PRRT3: variants seen among roughly 807,000 people sequenced by gnomAD.
The protein encoded by PRRT3 is proline rich transmembrane protein 3.
A neutral mutation model predicts 56.6 loss-of-function variants in PRRT3; 48 were observed. The ratio of observed to expected loss-of-function variants is 0.85; its 90% CI spans 0.67 to 1.08. PRRT3 has a LOEUF of 1.08. PRRT3 is among the 50% of genes least tolerant of loss of function. The pLI is 0.00. For missense variants in PRRT3, 1,370 were observed against 1,353.1 expected, an observed-to-expected ratio of 1.01 and a Z score of -0.20; for synonymous variants, 641 against 619.1, an observed-to-expected ratio of 1.04 and a Z score of -0.52.
chr3:9,948,685 A>G, intron 3 of PRRT3, 73 bp downstream of exon 3: 3 of 1,564,418 alleles, frequency 1.9e-6, no homozygotes, highest in Admixed American at 1.7e-5. Flanking sequence ...CTCCGCCCCC[A>G]TACATCCCCA....
At chr3:9,951,272 G>A (rs557806920) in intron 1 of PRRT3, among the ~76,000 whole-genome samples, 2 of 152,302 alleles carry the variant, frequency 1.3e-5, no homozygotes, top group South Asian at 2.1e-4. Flanking sequence ...TTCATGGAGG[G>A]TGCGAGAGCT....
chr3:9,951,011 A>G (rs2085612797), intron 1 of PRRT3, among the ~76,000 whole-genome samples: 1 of 152,210 alleles, frequency 6.6e-6, no homozygotes, highest in Non-Finnish European at 1.5e-5. Flanking sequence ...CAAATAACCA[A>G]ACAGGTATGG....
chr3:9,950,176 A>C lies in PRRT3; in HGVS notation c.-57-4T>G. 7.8e-7 allele frequency: 1 copy of C among 1,283,734 alleles called. No homozygotes were observed. The highest frequency in any genetic ancestry group is 1.0e-6 in the Non-Finnish European group (1 of 1,001,904). 79.5% of individuals were successfully genotyped at this position (1,283,734 alleles called of 1,614,324 possible). A position where few individuals can be genotyped will look rare whatever the true frequency, so the allele number is the denominator to read the frequency against. Reference sequence around the variant, plus strand: ...TTCCAGTCCTCACTGGATGAGCCTAAAAAAAAAACAGGGCATGGAATGACA... The same window carrying C: ...TTCCAGTCCTCACTGGATGAGCCTACAAAAAAAACAGGGCATGGAATGACA... On this transcript the variant is annotated splice_polypyrimidine_tract_variant and splice_region_variant and intron_variant, in intron 1 of 3. Transcript: ENST00000412055.
Position 9,950,137 on chromosome 3 carries a change from C to G in PRRT3, c.-22G>C. The G allele has an allele frequency of 7.1e-7, 1 of 1,405,474 alleles. No individual in the cohort carries two copies. Among genetic ancestry groups the G allele is most frequent in the East Asian group, 2.5e-5 (1 of 40,158 alleles). The allele number at this position is 1,405,474 out of a possible 1,614,324, so 87.1% of individuals were successfully genotyped here. ...CCATGGTCTACTCCGATGCCTGGGCCTAAAGCCCCCACCTTCCAGTCCTCA... is the reference window on the plus strand; with the variant it reads ...CCATGGTCTACTCCGATGCCTGGGCGTAAAGCCCCCACCTTCCAGTCCTCA... On this transcript the variant is annotated 5_prime_UTR_variant, in exon 2 of 4. The change abolishes the stop of an existing upstream ORF in the 5' untranslated region. Transcript: ENST00000412055.
In PRRT3 at chr3:9,948,804, G is replaced by T. The variant is rs1160174749; in HGVS notation, c.1125C>A (p.Gly375=). ...KSLIPGPSDP[G]PAVNRTESPM... ...GGCTCTCTGTTCGGTTTACAGCTGG[G>T]CCAGGGTCTGAGGGACCAGGGATGA... The change falls in exon 3 of 4, where the codon GGC becomes GGA. Residue 375 remains glycine (G), a synonymous_variant. Coordinates refer to ENST00000412055, the MANE Select transcript of PRRT3 (RefSeq NM_207351.5). The T allele has an allele frequency of 1.2e-6, 2 of 1,613,976 alleles. No individual in the cohort carries two copies. The highest frequency in any genetic ancestry group is 4.5e-5 in the East Asian group (2 of 44,870).
At position 9,947,460 on chromosome 3, in the gene PRRT3, T is replaced by A; in HGVS notation, c.1713A>T (p.Pro571=). 1.2e-6 allele frequency: 2 copies of A among 1,611,504 alleles called. No individual in the cohort carries two copies. Among genetic ancestry groups the A allele is most frequent in the Non-Finnish European group, 1.7e-6 (2 of 1,179,346 alleles). Residue 571 remains proline, a synonymous_variant, in exon 4 of 4, where the codon CCA becomes CCT. Coordinates refer to ENST00000412055, the MANE Select transcript of PRRT3 (RefSeq NM_207351.5). This position sits in a 1 kb window ranked among gnomAD's most constrained non-coding sequence, Gnocchi z 9.2. ...GAGLPPPLQN[P]LLLGAVALVH... is the part of the protein sequence containing the mutation. ...CCAGCGCCACTGCTCCCAGCAGGAG[T>A]GGGTTTTGCAGCGGTGGCGGCAGCC... is the stretch of plus-strand genomic sequence containing the variant.
In PRRT3 at chr3:9,950,241, G is replaced by A. The variant is rs908513855; in HGVS notation, c.-57-69C>T. On this transcript the variant is annotated intron_variant, in intron 1 of 3. Transcript: ENST00000412055. ...GCCCCCATGCCTTCCTCAAGGGGCT[G>A]ACAGGAAAGAAAAGCAACGCAAGGC... 28 of 649,440 alleles carry A rather than the reference G, an allele frequency of 4.3e-5. No individual in the cohort carries two copies. The African/African-American group carries it at 4.7e-4, about 11-fold the overall frequency. 40.2% of individuals were successfully genotyped at this position (649,440 alleles called of 1,614,324 possible). A position where few individuals can be genotyped will look rare whatever the true frequency, so the allele number is the denominator to read the frequency against.
At chr3:9,948,677 C>T (rs1299029117) in intron 3 of PRRT3, 81 bp downstream of exon 3, 14 of 1,533,352 alleles carry the variant, frequency 9.1e-6, no homozygotes, top group Non-Finnish European at 1.3e-5. Flanking sequence ...TCCCCACCCT[C>T]CGCCCCCATA....
chr3:9,948,047 G>A (rs939633278), intron 3 of PRRT3, 46 bp from the exon 4 acceptor site: 10 of 1,291,550 alleles, frequency 7.7e-6, no homozygotes, highest in Non-Finnish European at 9.8e-6. Flanking sequence ...AAGTGCTTTT[G>A]ATTTTGTATC....
rs1011186804 is a variant in PRRT3, at chr3:9,946,256, T to G, written c.2917A>C (p.Ser973Arg). ...AGCTCGATGGTATCACTGGAGGCGCTGCGGGATTCCCCAGGCTTGCCGCGC... is the reference window on the plus strand; with the variant it reads ...AGCTCGATGGTATCACTGGAGGCGCGGCGGGATTCCCCAGGCTTGCCGCGC... ...QPRGKPGESR[S>R]ASSDTIEL is the part of the protein sequence containing the mutation. Residue 973 changes from serine (S) to arginine (R), a missense_variant, in exon 4 of 4, where the codon AGC (serine) becomes CGC (arginine). Transcript: ENST00000412055. The surrounding 1 kb of genome is among the most constrained non-coding windows in gnomAD (Gnocchi z 4.1). 1.2e-6 allele frequency: 2 copies of G among 1,612,654 alleles called. No individual in the cohort carries two copies. The highest frequency in any genetic ancestry group is 1.7e-6 in the Non-Finnish European group (2 of 1,179,846).
At chr3:9,950,340 T>G (rs2085604316) in intron 1 of PRRT3, among the ~76,000 whole-genome samples, 168 bp from the exon 2 acceptor site, 1 of 152,194 alleles carries the variant, frequency 6.6e-6, no homozygotes, top group Admixed American at 6.5e-5. Context: ...GCTCCCCATT[T>G]CCCTCAAGAA....
rs1213354649 is a variant in PRRT3, at chr3:9,946,099, G to A, written c.*128C>T. On this transcript the variant is annotated 3_prime_UTR_variant, in exon 4 of 4. Transcript: ENST00000412055. The surrounding 1 kb of genome is among the most constrained non-coding windows in gnomAD (Gnocchi z 4.1). ...GTTCCACCCACCTCGGCCTCCCAAA[G>A]TGCTGGGATTCCTGGCGTGAGCCAC... is the stretch of plus-strand genomic sequence containing the variant. The A allele has an allele frequency of 1.0e-5, 14 of 1,395,148 alleles. No homozygotes were observed. The highest frequency in any genetic ancestry group is 1.3e-5 in the Non-Finnish European group (14 of 1,057,888). The allele number at this position is 1,395,148 out of a possible 1,614,324, so 86.4% of individuals were successfully genotyped here.
chr3:9,949,172 G>C lies in PRRT3; in HGVS notation c.944C>G (p.Ala315Gly). Residue 315 changes from alanine (A) to glycine (G), a missense_variant, in exon 2 of 4, where the codon GCT (alanine) becomes GGT (glycine). Transcript: ENST00000412055. The surrounding 1 kb of genome is among the most constrained non-coding windows in gnomAD (Gnocchi z 4.5). ...GGGCTGGGGTCCTGGTGAATCCTTA[G>C]CGTCAGGAAGGTCAGCCTGCTTGGG... ...PPPKQADLPD[A>G]KDSPGPQPTD... The C allele has an allele frequency of 1.2e-6, 2 of 1,612,436 alleles. No homozygotes were observed. The highest frequency in any genetic ancestry group is 1.7e-6 in the Non-Finnish European group (2 of 1,179,496).
intron 3 of PRRT3, 31 bp downstream of exon 3, chr3:9,948,727 C>T: frequency 1.2e-6 from 2 of 1,613,494 alleles, no homozygotes; most frequent in Non-Finnish European, 1.7e-6. Context: ...ACAGAGCACT[C>T]CCTCTCCCCA....
chr3:9,948,294 A>G (rs578040131), intron 3 of PRRT3: 49 of 359,004 alleles, frequency 1.4e-4, no homozygotes, highest in African/African-American at 8.3e-4. Flanking sequence ...AGACCAAGGA[A>G]TAAGAATTTC....
Position 9,946,444 on chromosome 3 carries a change from C to G in PRRT3, c.2729G>C (p.Gly910Ala), listed in dbSNP as rs1208780430. Residue 910 changes from glycine to alanine, a missense_variant, in exon 4 of 4, where the codon GGT becomes GCT. Transcript: ENST00000412055. The surrounding 1 kb of genome is among the most constrained non-coding windows in gnomAD (Gnocchi z 4.1). The stretch of plus-strand genomic sequence containing the variant: ...GGGGTTCCAACTGATCTTGAGTGAA[C>G]CCCTGGAGAAGCTGTCGAGGGAGCT... ...SGSSLDSFSRGSLKISWNPWR... is the reference protein window; with the variant it reads ...SGSSLDSFSRASLKISWNPWR... The G allele has an allele frequency of 1.9e-6, 3 of 1,587,384 alleles. No individual in the cohort carries two copies. Among genetic ancestry groups the G allele is most frequent in the Non-Finnish European group, 2.6e-6 (3 of 1,167,154 alleles).
In PRRT3 at chr3:9,946,859, A is replaced by C. The variant is rs754534337; in HGVS notation, c.2314T>G (p.Trp772Gly). 5 of 1,539,262 alleles carry C rather than the reference A, an allele frequency of 3.2e-6. No homozygotes were observed. The highest frequency in any genetic ancestry group is 4.4e-6 in the Non-Finnish European group (5 of 1,148,348). The change falls in exon 4 of 4, where the codon TGG becomes GGG. Residue 772 changes from tryptophan (W) to glycine (G), a missense_variant. By Grantham distance (184) the Trp-to-Gly change is radical. Transcript: ENST00000412055. The surrounding 1 kb of genome is among the most constrained non-coding windows in gnomAD (Gnocchi z 4.1). ...CGACCCAACGACGCAGCCGAGCCCC[A>C]GGCGCCTGAACTGGGCGTGGCCAGC... ...GQLATPSSGAWGSAASLGRGP... is the reference protein window; with the variant it reads ...GQLATPSSGAGGSAASLGRGP...
chr3:9,946,999 C>A lies in PRRT3; in HGVS notation c.2174G>T (p.Gly725Val), dbSNP rs186286064. The change falls in exon 4 of 4, where the codon GGA (glycine) becomes GTA (valine). Residue 725 changes from glycine (G) to valine (V), a missense_variant. Transcript: ENST00000412055. The surrounding 1 kb of genome is among the most constrained non-coding windows in gnomAD (Gnocchi z 4.1). ...LMRLACPAPS[G>V]KSEVPERPNN... Reference sequence around the variant, plus strand: ...GGGTCGCTCCGGCACCTCGCTCTTTCCTGACGGCGCCGGGCACGCCAGACG... The same window carrying A: ...GGGTCGCTCCGGCACCTCGCTCTTTACTGACGGCGCCGGGCACGCCAGACG... The A allele has an allele frequency of 6.5e-7, 1 of 1,542,324 alleles. No homozygotes were observed. The highest frequency in any genetic ancestry group is 2.4e-5 in the East Asian group (1 of 41,528).
Position 9,946,675 on chromosome 3 carries a change from C to G in PRRT3, c.2498G>C (p.Arg833Pro). ...EHLVRDSVFQ[R>P]CGLRGLASPP... The stretch of plus-strand genomic sequence containing the variant: ...GGAGGCCAGGCCGCGGAGGCCGCAG[C>G]GCTGGAACACACTGTCTCGCACTAG... The change falls in exon 4 of 4, where the codon CGC (arginine) becomes CCC (proline). Residue 833 changes from arginine to proline, a missense_variant. Coordinates refer to ENST00000412055, the MANE Select transcript of PRRT3 (RefSeq NM_207351.5). This position sits in a 1 kb window ranked among gnomAD's most constrained non-coding sequence, Gnocchi z 4.1. 5 of 1,422,386 alleles carry G rather than the reference C, an allele frequency of 3.5e-6. No individual in the cohort carries two copies. The highest frequency in any genetic ancestry group is 4.6e-6 in the Non-Finnish European group (5 of 1,098,246). 88.1% of individuals were successfully genotyped at this position (1,422,386 alleles called of 1,614,324 possible).
Sources: allele counts gnomAD v4.1 joint callset (sites outside exome capture counted in the v4.1 genomes callset), GRCh38; gene constraint gnomAD v4.1.1; non-coding constraint Gnocchi (gnomAD v3.1); transcripts MANE v1.5; gene names NCBI Gene and HGNC (gene_info 2026-07-23, HGNC 2026-07-21).